B4GALT5: variants seen among roughly 807,000 people sequenced by gnomAD.
The protein encoded by B4GALT5 is beta-1,4-galactosyltransferase 5.
Under a neutral mutation model 45.0 loss-of-function variants are expected in B4GALT5, and 11 were observed. The ratio of observed to expected loss-of-function variants is 0.24; its 90% CI spans 0.15 to 0.40. B4GALT5 has a LOEUF of 0.40. Ranked by LOEUF, B4GALT5 falls within the 10% of genes least tolerant of loss-of-function variation. The pLI is 1.00. For synonymous variants in B4GALT5, 185 were observed against 182.9 expected, an observed-to-expected ratio of 1.01 and a Z score of -0.09; for missense variants, 337 against 500.2, an observed-to-expected ratio of 0.67 and a Z score of 3.11.
intron 1 of B4GALT5, among the ~76,000 whole-genome samples, chr20:49,694,794 C>T (rs1006219371): frequency 6.9e-6 from 1 of 143,992 alleles, no homozygotes; most frequent in East Asian, 1.9e-4. Flanking sequence ...ATTTCATCCA[C>T]GAGGAAAACC....
At chr20:49,668,323 G>A (rs1012596552) in intron 1 of B4GALT5, among the ~76,000 whole-genome samples, 2 of 151,938 alleles carry the variant, frequency 1.3e-5, no homozygotes, top group Admixed American at 6.6e-5. Context: ...TTATTAAACT[G>A]TACATAAGAT....
At position 49,707,078 on chromosome 20, in the gene B4GALT5, C is replaced by A. The variant is rs59124296; in HGVS notation, c.115+6498G>T. 5.1e-3 allele frequency among the ~76,000 whole-genome samples: 770 copies of A among 152,206 alleles called. 9 individuals are homozygous for A. The highest frequency in any genetic ancestry group is 0.018 in the African/African-American group (735 of 41,520). On this transcript the variant is annotated intron_variant, in intron 1 of 8. Transcript: ENST00000371711. Reference sequence around the variant, plus strand: ...GGAGTTGATGCTGGAACAGAATCATCTGCCGGCTAGGTATCCTGGAACAGT... The same window carrying A: ...GGAGTTGATGCTGGAACAGAATCATATGCCGGCTAGGTATCCTGGAACAGT...
chr20:49,700,362 C>T (rs567559511), intron 1 of B4GALT5, among the ~76,000 whole-genome samples: 7 of 152,292 alleles, frequency 4.6e-5, no homozygotes, highest in African/African-American at 1.7e-4. Context: ...CACTCTGTTG[C>T]CCAGGCTGGA....
At chr20:49,639,297 T>G (rs976689088) in intron 7 of B4GALT5, among the ~76,000 whole-genome samples, 1 of 152,206 alleles carries the variant, frequency 6.6e-6, no homozygotes. Context: ...GTTTGTTTTT[T>G]AAGATATTAA....
intron 1 of B4GALT5, among the ~76,000 whole-genome samples, chr20:49,708,818 G>C (rs1330532802): frequency 6.6e-6 from 1 of 151,786 alleles, no homozygotes; most frequent in African/African-American, 2.4e-5. Flanking sequence ...CGTAATCCCA[G>C]CAACTCAGGA....
rs188244693 is a variant in B4GALT5, at chr20:49,637,217, C to G, written c.1019+124G>C. On this transcript the variant is annotated intron_variant, in intron 8 of 8. Coordinates refer to ENST00000371711, the MANE Select transcript of B4GALT5 (RefSeq NM_004776.4). ...GAGTTAGAATACATGCAACAGCTGT[C>G]AAACAGCTGTCAGAACAGGGCCTCG... 1.8e-3 allele frequency: 1,479 copies of G among 802,832 alleles called. 2 individuals carry two copies. Among genetic ancestry groups the G allele is most frequent in the Non-Finnish European group, 2.6e-3 (1,222 of 467,256 alleles). 49.7% of individuals were successfully genotyped at this position (802,832 alleles called of 1,614,324 possible).
chr20:49,663,428 A>T (rs571094632), intron 1 of B4GALT5, among the ~76,000 whole-genome samples: 1 of 134,008 alleles, frequency 7.5e-6, no homozygotes, highest in African/African-American at 2.7e-5. Flanking sequence ...ATTGATATGC[A>T]CTCACATATT....
intron 1 of B4GALT5, among the ~76,000 whole-genome samples, chr20:49,657,285 C>G (rs372986463): frequency 6.6e-6 from 1 of 152,168 alleles, no homozygotes; most frequent in Non-Finnish European, 1.5e-5. Context: ...TCACTATCCA[C>G]CCATCCCAGC....
chr20:49,693,135 C>T (rs2085823585), intron 1 of B4GALT5, among the ~76,000 whole-genome samples: 1 of 152,128 alleles, frequency 6.6e-6, no homozygotes, highest in Non-Finnish European at 1.5e-5. Context: ...ATGATGTTGC[C>T]ACAATGACAA....
chr20:49,694,360 G>T (rs892018446), intron 1 of B4GALT5, among the ~76,000 whole-genome samples: 1 of 152,000 alleles, frequency 6.6e-6, no homozygotes, highest in Non-Finnish European at 1.5e-5. Context: ...TAAATCAAAG[G>T]CAAATCAAAG....
intron 1 of B4GALT5, among the ~76,000 whole-genome samples, chr20:49,672,780 C>T (rs535933143): frequency 1.3e-5 from 2 of 152,146 alleles, no homozygotes; most frequent in South Asian, 2.1e-4. Flanking sequence ...GGTGGCTTGG[C>T]CTCGACCTCC....
chr20:49,683,762 C>A (rs1039803824), intron 1 of B4GALT5, among the ~76,000 whole-genome samples: 25 of 152,042 alleles, frequency 1.6e-4, no homozygotes, highest in African/African-American at 6.0e-4. Context: ...ATTATTCATT[C>A]TGTGTTTCCT....
At chr20:49,670,925 T>G (rs981684880) in intron 1 of B4GALT5, among the ~76,000 whole-genome samples, 3 of 152,196 alleles carry the variant, frequency 2.0e-5, no homozygotes, top group Admixed American at 6.5e-5. Context: ...ACAAATGTGT[T>G]CAATACTGTT....
At chr20:49,687,850 G>A (rs569172778) in intron 1 of B4GALT5, among the ~76,000 whole-genome samples, 1 of 150,886 alleles carries the variant, frequency 6.6e-6, no homozygotes, top group South Asian at 2.1e-4. Context: ...AGATCCCTCA[G>A]AGAAACAACT....
At chr20:49,651,758 T>C (rs568251634) in intron 2 of B4GALT5, among the ~76,000 whole-genome samples, 25 of 152,210 alleles carry the variant, frequency 1.6e-4, no homozygotes, top group East Asian at 5.8e-4. Flanking sequence ...TGGTTGCACA[T>C]TGGAATCATC....
At chr20:49,712,167 CCTTT>C (rs1267976118) in intron 1 of B4GALT5, among the ~76,000 whole-genome samples, 1 of 152,152 alleles carries the variant, frequency 6.6e-6, no homozygotes, top group Admixed American at 6.5e-5. Flanking sequence ...GTAATAGCTG[CCTTT>C]ATTTACTTAT....
rs1442323987 is a variant in B4GALT5, at chr20:49,656,723, A to G, written c.116-21T>C. ...GTTCACTGCAGAAAGCAAAAAGGGGAAAAAGAGGTGGATTCAGAAGCAATC... is the reference window on the plus strand; with the variant it reads ...GTTCACTGCAGAAAGCAAAAAGGGGGAAAAGAGGTGGATTCAGAAGCAATC... On this transcript the variant is annotated intron_variant, in intron 1 of 8. Coordinates refer to ENST00000371711, the MANE Select transcript of B4GALT5 (RefSeq NM_004776.4). The G allele has an allele frequency of 2.5e-6, 4 of 1,613,760 alleles. No homozygotes were observed. The African/African-American group carries it at 5.3e-5, about 22-fold the overall frequency.
chr20:49,672,755 T>C (rs1177269016), intron 1 of B4GALT5, among the ~76,000 whole-genome samples: 1 of 152,086 alleles, frequency 6.6e-6, no homozygotes, highest in East Asian at 1.9e-4. Flanking sequence ...CCAAGCCCTT[T>C]GAGAAGCCAA....
intron 1 of B4GALT5, among the ~76,000 whole-genome samples, chr20:49,677,200 C>T (rs542430254): frequency 1.2e-4 from 19 of 152,170 alleles, no homozygotes; most frequent in Admixed American, 1.2e-3. Flanking sequence ...ACCACACCCG[C>T]TATGGTGCAA....
Sources: allele counts gnomAD v4.1 joint callset (sites outside exome capture counted in the v4.1 genomes callset), GRCh38; gene constraint gnomAD v4.1.1; transcripts MANE v1.5; gene names NCBI Gene and HGNC (gene_info 2026-07-23, HGNC 2026-07-21).